Variants in EDA observed in about 807,000 individuals in gnomAD.
EDA encodes the protein ectodysplasin A.
Under a neutral mutation model 23.6 loss-of-function variants are expected in EDA, and 2 were observed. That is an observed-to-expected ratio of 0.08 (90% CI 0.03 to 0.27). The LOEUF is 0.27. Among genes scored for constraint, EDA ranks in the 10% least tolerant of loss-of-function variants. EDA has a pLI of 1.00. For missense variants in EDA, 229 were observed against 324.2 expected (o/e 0.71, Z 2.26); for synonymous variants, 131 against 132.0 (o/e 0.99, Z 0.05).
At chrX:69,975,967 G>T (rs1484728052) in intron 2 of EDA, among the ~76,000 whole-genome samples, 1 of 111,831 alleles carries the variant, frequency 8.9e-6, no homozygotes, top group African/African-American at 3.2e-5. Flanking sequence ...TGTCATGGTG[G>T]TATAAGAATT....
At chrX:69,785,184 G>T (rs1317886447) in intron 1 of EDA, among the ~76,000 whole-genome samples, 1 of 98,946 alleles carries the variant, frequency 1.0e-5, no homozygotes, top group Admixed American at 1.1e-4. Flanking sequence ...AGCTTAAGGA[G>T]ATTTTGGGCT....
intron 1 of EDA, among the ~76,000 whole-genome samples, chrX:69,749,503 G>A (rs2013741668): frequency 9.1e-6 from 1 of 109,376 alleles, no homozygotes; most frequent in African/African-American, 3.3e-5. Flanking sequence ...AGATCCCTGA[G>A]GAATCACCAC....
At chrX:69,674,015 C>A (rs746333876) in intron 1 of EDA, among the ~76,000 whole-genome samples, 1 of 111,819 alleles carries the variant, frequency 8.9e-6, no homozygotes, top group African/African-American at 3.2e-5. Context: ...TCTCAACTCT[C>A]TTCTTCCTTT....
In EDA at chrX:69,935,279, C is replaced by T. The variant is rs138492665; in HGVS notation, c.397-21748C>T. Among the ~76,000 whole-genome samples the T allele has an allele frequency of 2.0e-4, 22 of 111,202 alleles. No homozygotes were observed. In the East Asian group the frequency reaches 5.3e-3, roughly 27 times the overall value. On this transcript the variant is annotated intron_variant, in intron 1 of 7. Transcript: ENST00000374552. The stretch of plus-strand genomic sequence containing the variant: ...GAGTGTAGACATCTCTTTGATATAC[C>T]GATGTCCTTTCTTTTGGGTATATAC...
At chrX:69,901,757 T>C (rs970412146) in intron 1 of EDA, among the ~76,000 whole-genome samples, 1 of 111,657 alleles carries the variant, frequency 9.0e-6, no homozygotes, top group Non-Finnish European at 1.9e-5. Context: ...CAGTAAATGA[T>C]AAAAAGAAGA....
At chrX:69,868,601 A>G (rs1044031469) in intron 1 of EDA, among the ~76,000 whole-genome samples, 1 of 112,126 alleles carries the variant, frequency 8.9e-6, no homozygotes, top group Non-Finnish European at 1.9e-5. Context: ...AATGTCATCA[A>G]TGTAATGGAC....
intron 1 of EDA, among the ~76,000 whole-genome samples, chrX:69,734,530 A>C (rs990690648): frequency 9.0e-6 from 1 of 111,214 alleles, no homozygotes; most frequent in Non-Finnish European, 1.9e-5. Context: ...TAGATGACTA[A>C]TGTTAGTCTT....
intron 1 of EDA, among the ~76,000 whole-genome samples, chrX:69,747,555 G>A (rs2013661989): frequency 8.9e-6 from 1 of 112,367 alleles, no homozygotes; most frequent in African/African-American, 3.2e-5. Flanking sequence ...TGTCTGCAGA[G>A]TGGACAGTGG....
At chrX:70,015,639 A>C (rs2019937928) in intron 2 of EDA, among the ~76,000 whole-genome samples, 1 of 111,919 alleles carries the variant, frequency 8.9e-6, no homozygotes, top group Admixed American at 9.4e-5. Context: ...CTTCATAAGC[A>C]GAGGAGAAAT....
chrX:70,035,300 G>A, intron 7 of EDA, 58 bp from the exon 8 acceptor site: 12 of 1,167,799 alleles, frequency 1.0e-5, no homozygotes, highest in Non-Finnish European at 1.4e-5. Flanking sequence ...CCACAGGGAG[G>A]GCCCCCCACC....
At chrX:69,705,062 A>G (rs1296976060) in intron 1 of EDA, among the ~76,000 whole-genome samples, 2 of 108,827 alleles carry the variant, frequency 1.8e-5, no homozygotes, top group Non-Finnish European at 3.8e-5. Context: ...CTCTACTAAA[A>G]AAAATACAAA....
intron 1 of EDA, among the ~76,000 whole-genome samples, chrX:69,704,439 G>A (rs1010500635): frequency 3.6e-5 from 4 of 111,288 alleles, no homozygotes; most frequent in African/African-American, 1.3e-4. Flanking sequence ...AGACCTAAAG[G>A]GTCTGTTCTA....
At chrX:69,993,396 C>T (rs2019616730) in intron 2 of EDA, among the ~76,000 whole-genome samples, 1 of 111,140 alleles carries the variant, frequency 9.0e-6, no homozygotes, top group East Asian at 2.8e-4. Flanking sequence ...TGATTAAGCA[C>T]CTATGATGTA....
intron 2 of EDA, among the ~76,000 whole-genome samples, chrX:69,984,000 C>T (rs1479404305): frequency 2.0e-5 from 2 of 99,350 alleles, no homozygotes; most frequent in Non-Finnish European, 4.0e-5. Context: ...GGAAACTGAA[C>T]AACCTGCTCC....
intron 1 of EDA, among the ~76,000 whole-genome samples, chrX:69,719,830 A>G (rs1315187538): frequency 9.2e-6 from 1 of 109,061 alleles, no homozygotes; most frequent in Non-Finnish European, 1.9e-5. Context: ...GCTCACTGCA[A>G]CCTCTGCCTC....
chrX:69,662,636 G>C (rs1933550911), intron 1 of EDA, among the ~76,000 whole-genome samples: 1 of 112,486 alleles, frequency 8.9e-6, no homozygotes, highest in Admixed American at 9.4e-5. Flanking sequence ...AAATGTGGAA[G>C]CGTCTTTAGA....
At chrX:69,713,210 A>T (rs955130152) in intron 1 of EDA, among the ~76,000 whole-genome samples, 1 of 112,328 alleles carries the variant, frequency 8.9e-6, no homozygotes, top group Non-Finnish European at 1.9e-5. Context: ...CTTAAAGTAT[A>T]TTTTAAAAAG....
chrX:69,700,899 G>A (rs2011516662), intron 1 of EDA, among the ~76,000 whole-genome samples: 1 of 110,527 alleles, frequency 9.0e-6, no homozygotes, highest in Non-Finnish European at 1.9e-5. Flanking sequence ...GAGTAGTGTG[G>A]AGTTTTGAAA....
chrX:69,951,798 G>A (rs997098688), intron 1 of EDA, among the ~76,000 whole-genome samples: 1 of 111,764 alleles, frequency 8.9e-6, no homozygotes, highest in African/African-American at 3.3e-5. Flanking sequence ...CCTGTAATTT[G>A]CAGGTGCTGT....
Sources: allele counts gnomAD v4.1 joint callset (sites outside exome capture counted in the v4.1 genomes callset), GRCh38; gene constraint gnomAD v4.1.1; transcripts MANE v1.5; gene names NCBI Gene and HGNC (gene_info 2026-07-23, HGNC 2026-07-21).